DHCR7: variants seen among roughly 807,000 people sequenced by gnomAD.
DHCR7 encodes the protein 7-DHC reductase.
Under a neutral mutation model 43.3 loss-of-function variants are expected in DHCR7, and 40 were observed. The ratio of observed to expected loss-of-function variants is 0.92; its 90% CI spans 0.72 to 1.20. DHCR7 has a LOEUF of 1.20. DHCR7 is among the 50% of genes most tolerant of loss of function. DHCR7 has a pLI of 0.00. For synonymous variants in DHCR7, 298 were observed against 271.4 expected, an observed-to-expected ratio of 1.10 and a Z score of -0.96; for missense variants, 608 against 644.6, an observed-to-expected ratio of 0.94 and a Z score of 0.62.
chr11:71,443,440 C>T (rs1949368868), intron 4 of DHCR7, among the ~76,000 whole-genome samples: 1 of 152,182 alleles, frequency 6.6e-6, no homozygotes, highest in Non-Finnish European at 1.5e-5. Flanking sequence ...AGGCAATCAG[C>T]ACCACCCATG....
intron 8 of DHCR7, 135 bp downstream of exon 8, chr11:71,437,677 A>G: frequency 1.5e-6 from 2 of 1,329,956 alleles, no homozygotes; most frequent in Non-Finnish European, 2.1e-6. Context: ...GAGCTGGCTA[A>G]TACACGAGGC....
chr11:71,446,924 C>G (rs893370108), intron 2 of DHCR7, among the ~76,000 whole-genome samples: 2 of 152,224 alleles, frequency 1.3e-5, no homozygotes, highest in Non-Finnish European at 2.9e-5. Flanking sequence ...AAAGCTGACA[C>G]GCTAGTGAGT....
In DHCR7 at chr11:71,434,847, A is replaced by G. The variant is rs1302397750; in HGVS notation, c.*528T>C. The G allele has an allele frequency of 1.2e-5, 4 of 345,160 alleles. No homozygotes were observed. The allele number at this position is 345,160 out of a possible 1,614,324, so 21.4% of individuals were successfully genotyped here. A position where few individuals can be genotyped will look rare whatever the true frequency, so the allele number is the denominator to read the frequency against. On this transcript the variant is annotated 3_prime_UTR_variant, in exon 9 of 9. Transcript: ENST00000355527. ...CCCTTTCTCCCCAGTGTCCCAGTTCAACACCGTGCACGCTACCAAGGAGAA... is the reference window on the plus strand; with the variant it reads ...CCCTTTCTCCCCAGTGTCCCAGTTCGACACCGTGCACGCTACCAAGGAGAA...
rs1949292012 is a variant in DHCR7 at position 71,437,165 on chromosome 11, T to A, written c.963+647A>T. ...CCACAGGACTGGCTGTCACAGGTGA[T>A]GCCGGGCCTGTCACATCCTGAATAG... is the stretch of plus-strand genomic sequence containing the variant. On this transcript the variant is annotated intron_variant, in intron 8 of 8. Coordinates refer to ENST00000355527, the MANE Select transcript of DHCR7 (RefSeq NM_001360.3). 4.6e-5 allele frequency among the ~76,000 whole-genome samples: 7 copies of A among 152,352 alleles called. No homozygotes were observed. The East Asian group carries it at 9.7e-4, about 21-fold the overall frequency.
exon 3 of DHCR7, chr11:71,428,722 T>C (rs1002448837): frequency 4.8e-6 from 2 of 419,884 alleles, no homozygotes; most frequent in Admixed American, 2.7e-5. Context: ...CTCCCTGCAG[T>C]CCTGTCCAGG....
chr11:71,432,694 A>G (rs1451986765), downstream of DHCR7, among the ~76,000 whole-genome samples: 1 of 152,174 alleles, frequency 6.6e-6, no homozygotes, highest in Non-Finnish European at 1.5e-5. Flanking sequence ...TGTGACCTAC[A>G]TTGCCCCTTT....
At chr11:71,446,560 C>T (rs1949405686) in intron 2 of DHCR7, among the ~76,000 whole-genome samples, 1 of 152,236 alleles carries the variant, frequency 6.6e-6, no homozygotes. Context: ...GCAAGCAAGA[C>T]TGTCGGATGT....
chr11:71,436,072 T>C, intron 8 of DHCR7: 1 of 574,526 alleles, frequency 1.7e-6, no homozygotes, highest in East Asian at 2.9e-5. Context: ...TGTGTGTATA[T>C]ATACCCCCTA....
chr11:71,448,932 AAGTGACCCG>A (rs1299060005), upstream of DHCR7: 1 of 152,552 alleles, frequency 6.6e-6, no homozygotes. Context: ...GAGACCGCCA[AAGTGACCCG>A]AGATGGAGTC....
chr11:71,433,734 C>T (rs534094932), downstream of DHCR7, among the ~76,000 whole-genome samples: 326 of 152,316 alleles, frequency 2.1e-3, 1 homozygote, highest in Middle Eastern at 0.027. Flanking sequence ...ACTGAATTTA[C>T]GCAATGTCTG....
intron 2 of DHCR7, among the ~76,000 whole-genome samples, chr11:71,445,561 C>A (rs963051232): frequency 2.6e-5 from 4 of 152,182 alleles, no homozygotes; most frequent in African/African-American, 7.2e-5. Context: ...TTGTCTGTCT[C>A]CCCTCACTAG....
intron 4 of DHCR7, among the ~76,000 whole-genome samples, chr11:71,442,627 G>A (rs1328372401): frequency 6.6e-6 from 1 of 152,096 alleles, no homozygotes; most frequent in African/African-American, 2.4e-5. Flanking sequence ...TTAAAATGGA[G>A]AATCCCATAA....
rs1364850343 is a variant in DHCR7, at chr11:71,441,375, C to A, written c.478G>T (p.Ala160Ser). 5 of 1,614,230 alleles carry A rather than the reference C, an allele frequency of 3.1e-6. No individual in the cohort carries two copies. The highest frequency in any genetic ancestry group is 4.2e-6 in the Non-Finnish European group (5 of 1,180,036). ...AWLLTHLLWF[A>S]NAHLLSWFSP... Reference sequence around the variant, plus strand: ...AACCAGGACAGGAGATGAGCGTTTGCAAACCAGAGCAGGTGCGTGAGGAGC... The same window carrying A: ...AACCAGGACAGGAGATGAGCGTTTGAAAACCAGAGCAGGTGCGTGAGGAGC... The change falls in exon 6 of 9, where the codon GCA (alanine) becomes TCA (serine). Residue 160 changes from alanine (A) to serine (S), a missense_variant. By Grantham distance (99) the Ala-to-Ser change is moderately conservative (BLOSUM62 1). Transcript: ENST00000355527.
Position 71,435,451 on chromosome 11 carries a change from C to T in DHCR7, c.1352G>A (p.Cys451Tyr), listed in dbSNP as rs1325144749. 1.9e-6 allele frequency: 3 copies of T among 1,612,606 alleles called. No individual in the cohort carries two copies. Among genetic ancestry groups the T allele is most frequent in the Non-Finnish European group, 2.5e-6 (3 of 1,180,002 alleles). The change falls in exon 9 of 9, where the codon TGC (cysteine) becomes TAC (tyrosine). Residue 451 changes from cysteine to tyrosine, a missense_variant. Transcript: ENST00000355527. Reference protein sequence around the residue: ...THRCLRDEHRCASKYGRDWER... With the variant: ...THRCLRDEHRYASKYGRDWER... ...CCAGTCCCGGCCGTACTTGCTGGCG[C>T]AGCGGTGCTCGTCCCGGAGGCAGCG...
chr11:71,439,239 C>T (rs561380619), intron 6 of DHCR7, among the ~76,000 whole-genome samples, 156 bp from the exon 7 acceptor site: 32 of 152,350 alleles, frequency 2.1e-4, no homozygotes, highest in South Asian at 4.1e-4. Context: ...GGGACCCCCA[C>T]GGCTGGAATG....
exon 3 of DHCR7, chr11:71,428,459 T>C (rs1315007787): frequency 6.2e-6 from 1 of 161,522 alleles, no homozygotes; most frequent in Non-Finnish European, 1.4e-5. Context: ...TAACATTCCA[T>C]CATGTGGATG....
chr11:71,437,982 C>T (rs765391431), intron 7 of DHCR7, 39 bp from the exon 8 acceptor site: 5 of 1,607,906 alleles, frequency 3.1e-6, no homozygotes, highest in East Asian at 4.5e-5. Context: ...CCCCGGCCCT[C>T]CTGGGGCCCC....
At chr11:71,442,931 ATGT>A (rs1231003043) in intron 4 of DHCR7, among the ~76,000 whole-genome samples, 9 of 152,190 alleles carry the variant, frequency 5.9e-5, no homozygotes, top group Non-Finnish European at 1.3e-4. Context: ...ACAGAAGAAA[ATGT>A]TGTTCCAATC....
chr11:71,445,022 C>T, intron 2 of DHCR7, 64 bp from the exon 3 acceptor site: 1 of 1,397,094 alleles, frequency 7.2e-7, no homozygotes, highest in Non-Finnish European at 1.0e-6. Context: ...TTCCCTGTTG[C>T]ATCCACCACT....
Sources: allele counts gnomAD v4.1 joint callset (sites outside exome capture counted in the v4.1 genomes callset), GRCh38; gene constraint gnomAD v4.1.1; transcripts MANE v1.5; gene names NCBI Gene and HGNC (gene_info 2026-07-23, HGNC 2026-07-21).